CACNG7: variants seen among roughly 807,000 people sequenced by gnomAD.
CACNG7 encodes voltage-dependent calcium channel gamma-7 subunit.
CACNG7 carries 9 observed loss-of-function variants against 26.3 expected under a neutral mutation model. The observed-to-expected ratio is 0.34, with a 90% CI of 0.21 to 0.60. The LOEUF (loss-of-function observed/expected upper bound fraction) is 0.60, where lower values mean the gene tolerates loss of function less well. Ranked by LOEUF, CACNG7 falls within the 20% of genes least tolerant of loss-of-function variation. The pLI, the probability that CACNG7 is intolerant of heterozygous loss-of-function variation, is 0.81. For missense variants in CACNG7, 297 were observed against 380.4 expected (o/e 0.78, Z 1.82); for synonymous variants, 170 against 157.0 (o/e 1.08, Z -0.62).
Position 53,919,571 on chromosome 19 carries a change from A to C in CACNG7, c.424+4066A>C, listed in dbSNP as rs976025998. Among the ~76,000 whole-genome samples the C allele has an allele frequency of 3.0e-5, 4 of 132,560 alleles. No individual in the cohort carries two copies. The East Asian group carries it at 9.2e-4, about 31-fold the overall frequency. 87.0% of individuals were successfully genotyped at this position (132,560 alleles called of 152,430 possible). A position where few individuals can be genotyped will look rare whatever the true frequency, so the allele number is the denominator to read the frequency against. On this transcript the variant is annotated intron_variant, in intron 4 of 5. Transcript: ENST00000391767. Reference sequence around the variant, plus strand: ...TTGGTGGAGTTGCCCCAGGCTGGTCATTGGTGGACTTGCCCCAGGCTGGTC... The same window carrying C: ...TTGGTGGAGTTGCCCCAGGCTGGTCCTTGGTGGACTTGCCCCAGGCTGGTC...
chr19:53,921,026 T>C (rs2068944091), intron 4 of CACNG7, among the ~76,000 whole-genome samples: 2 of 74,598 alleles, frequency 2.7e-5, no homozygotes, highest in East Asian at 4.0e-4. Context: ...TGCCCCAGGC[T>C]GGTCATTGGT....
Position 53,942,613 on chromosome 19 carries a change from T to C in CACNG7, c.*320T>C. The C allele has an allele frequency of 8.2e-7, 1 of 1,220,800 alleles. No individual in the cohort carries two copies. The highest frequency in any genetic ancestry group is 1.0e-6 in the Non-Finnish European group (1 of 971,532). 75.6% of individuals were successfully genotyped at this position (1,220,800 alleles called of 1,614,324 possible). On this transcript the variant is annotated 3_prime_UTR_variant, in exon 6 of 6. Transcript: ENST00000391767. This position sits in a 1 kb window ranked among gnomAD's most constrained non-coding sequence, Gnocchi z 5.9. ...CTCCTCCCTCGTTCTCCACCTGCTC[T>C]GAGCTGGGAGCAGCCAGAGGCGGTG...
chr19:53,914,720 G>A (rs1458745175), intron 3 of CACNG7, 134 bp downstream of exon 3: 11 of 749,994 alleles, frequency 1.5e-5, no homozygotes, highest in Non-Finnish European at 2.3e-5. Flanking sequence ...AGGCAGAATG[G>A]GCCAGGCATG....
chr19:53,919,874 C>G (rs2068926955), intron 4 of CACNG7, among the ~76,000 whole-genome samples: 1 of 141,438 alleles, frequency 7.1e-6, no homozygotes, highest in East Asian at 2.2e-4. Context: ...TGGACTTGCC[C>G]CAGGCTGGTC....
rs968774430 is a variant in CACNG7, at chr19:53,942,445, T to G, written c.*152T>G. The G allele has an allele frequency of 1.3e-6, 2 of 1,482,876 alleles. No individual in the cohort carries two copies. The highest frequency in any genetic ancestry group is 1.4e-5 in the African/African-American group (1 of 71,046). The allele number at this position is 1,482,876 out of a possible 1,614,324, so 91.9% of individuals were successfully genotyped here. On this transcript the variant is annotated 3_prime_UTR_variant, in exon 6 of 6. Coordinates refer to ENST00000391767, the MANE Select transcript of CACNG7 (RefSeq NM_031896.5). This position sits in a 1 kb window ranked among gnomAD's most constrained non-coding sequence, Gnocchi z 5.9. ...TAGGCCCCGCCCTCCTCCCAATGGC[T>G]CCGCCCACAGACTCCCTTATTTCAA...
At chr19:53,924,452 G>C (rs1386271408) in intron 4 of CACNG7, among the ~76,000 whole-genome samples, 1 of 147,492 alleles carries the variant, frequency 6.8e-6, no homozygotes, top group African/African-American at 2.5e-5. Flanking sequence ...GTTGTCCCAG[G>C]TCTGGTCATT....
intron 4 of CACNG7, among the ~76,000 whole-genome samples, chr19:53,932,648 T>C (rs994593788): frequency 2.0e-5 from 3 of 152,186 alleles, no homozygotes; most frequent in African/African-American, 7.2e-5. Flanking sequence ...ACATGTACAT[T>C]GAGTTGATAG....
At chr19:53,933,975 G>A (rs2069089902) in intron 4 of CACNG7, among the ~76,000 whole-genome samples, 1 of 151,992 alleles carries the variant, frequency 6.6e-6, no homozygotes, top group Non-Finnish European at 1.5e-5. Flanking sequence ...TCAGCTCATT[G>A]CAACCTCCAT....
chr19:53,938,263 G>A (rs1387969178), intron 4 of CACNG7, among the ~76,000 whole-genome samples: 1 of 152,080 alleles, frequency 6.6e-6, no homozygotes, highest in Admixed American at 6.6e-5. Context: ...TGTGAGGATT[G>A]CTTGAGCCAG....
chr19:53,940,902 A>T lies in CACNG7; in HGVS notation c.425-568A>T, dbSNP rs377255759. On this transcript the variant is annotated intron_variant, in intron 4 of 5. Coordinates refer to ENST00000391767, the MANE Select transcript of CACNG7 (RefSeq NM_031896.5). This position sits in a 1 kb window ranked among gnomAD's most constrained non-coding sequence, Gnocchi z 4.1. ...AAACCCCGTCTCTACTAAAAATATAAAAAAAAAAATTAGTCGGGAGTGGTG... is the reference window on the plus strand; with the variant it reads ...AAACCCCGTCTCTACTAAAAATATATAAAAAAAAATTAGTCGGGAGTGGTG... Among the ~76,000 whole-genome samples the T allele has an allele frequency of 6.5e-4, 92 of 141,574 alleles. No homozygotes were observed. Among genetic ancestry groups the T allele is most frequent in the Admixed American group, 2.0e-3 (29 of 14,400 alleles). The allele number at this position is 141,574 out of a possible 152,430, so 92.9% of individuals were successfully genotyped here.
At chr19:53,935,294 T>C (rs1299262449) in intron 4 of CACNG7, among the ~76,000 whole-genome samples, 3 of 152,008 alleles carry the variant, frequency 2.0e-5, no homozygotes, top group Non-Finnish European at 2.9e-5. Flanking sequence ...TAGTCCTACA[T>C]TTAAATTTCA....
rs1258035726 is a variant in CACNG7 at position 53,909,331 on chromosome 19, G to C, written c.-216G>C. 6.7e-6 allele frequency: 1 copy of C among 149,664 alleles called. No homozygotes were observed. Among genetic ancestry groups the C allele is most frequent in the Non-Finnish European group, 1.5e-5 (1 of 66,568 alleles). 9.3% of individuals were successfully genotyped at this position (149,664 alleles called of 1,614,324 possible). A position where few individuals can be genotyped will look rare whatever the true frequency, so the allele number is the denominator to read the frequency against. ...GCTCCCGGCTCCGTCCGCCGAGTGAGGCCGCGGCCGCGGGGGGTGGGGGGT... is the reference window on the plus strand; with the variant it reads ...GCTCCCGGCTCCGTCCGCCGAGTGACGCCGCGGCCGCGGGGGGTGGGGGGT... On this transcript the variant is annotated 5_prime_UTR_variant, in exon 1 of 6. Transcript: ENST00000391767. This position sits in a 1 kb window ranked among gnomAD's most constrained non-coding sequence, Gnocchi z 5.1.
At chr19:53,929,135 A>G (rs1430422752) in intron 4 of CACNG7, among the ~76,000 whole-genome samples, 2 of 148,140 alleles carry the variant, frequency 1.4e-5, no homozygotes, top group African/African-American at 5.0e-5. Flanking sequence ...AAAAAAAAAA[A>G]AAAGAGAGAA....
intron 4 of CACNG7, among the ~76,000 whole-genome samples, chr19:53,918,929 C>T (rs963371414): frequency 6.6e-6 from 1 of 151,990 alleles, no homozygotes; most frequent in African/African-American, 2.4e-5. Flanking sequence ...CCAGTGCACC[C>T]GGCTAATTTT....
At chr19:53,929,438 T>C (rs2069056637) in intron 4 of CACNG7, among the ~76,000 whole-genome samples, 1 of 152,078 alleles carries the variant, frequency 6.6e-6, no homozygotes, top group Non-Finnish European at 1.5e-5. Flanking sequence ...TAATGCTTCA[T>C]GATCATTCTC....
chr19:53,925,563 T>TCTGGTCGTTGGTGGACTTGCCCCAGG, intron 4 of CACNG7, among the ~76,000 whole-genome samples: 1 of 123,208 alleles, frequency 8.1e-6, no homozygotes, highest in African/African-American at 3.4e-5. Context: ...TTGCCCCAGG[T>TCTGGTCGTTGGTGGACTTGCCCCAGG]CTGGTCATTG....
intron 4 of CACNG7, among the ~76,000 whole-genome samples, chr19:53,936,950 C>A (rs1162237542): frequency 6.6e-6 from 1 of 152,134 alleles, no homozygotes; most frequent in Non-Finnish European, 1.5e-5. Context: ...CTCTGTCACC[C>A]AGGCGGGAGT....
intron 4 of CACNG7, among the ~76,000 whole-genome samples, chr19:53,929,785 G>A (rs1050687319): frequency 1.3e-5 from 2 of 152,236 alleles, no homozygotes; most frequent in East Asian, 3.9e-4. Context: ...TGGAATACTA[G>A]AAGTTGAAAG....
At chr19:53,933,668 T>A (rs2069087911) in intron 4 of CACNG7, among the ~76,000 whole-genome samples, 1 of 151,708 alleles carries the variant, frequency 6.6e-6, no homozygotes, top group Non-Finnish European at 1.5e-5. Context: ...TTGATTTTTT[T>A]TTTTTTTTGG....
Sources: allele counts gnomAD v4.1 joint callset (sites outside exome capture counted in the v4.1 genomes callset), GRCh38; gene constraint gnomAD v4.1.1; non-coding constraint Gnocchi (gnomAD v3.1); transcripts MANE v1.5; gene names NCBI Gene and HGNC (gene_info 2026-07-23, HGNC 2026-07-21).